IL1RAP: variants seen among roughly 807,000 people sequenced by gnomAD.
The protein encoded by IL1RAP is interleukin-1 receptor accessory protein.
A neutral mutation model predicts 60.7 loss-of-function variants in IL1RAP; 35 were observed. The observed-to-expected ratio is 0.58, with a 90% CI of 0.44 to 0.76. The LOEUF (loss-of-function observed/expected upper bound fraction) is 0.76. IL1RAP is among the 30% of genes least tolerant of loss of function. The pLI, the probability that IL1RAP is intolerant of heterozygous loss-of-function variation, is 0.00. For synonymous variants in IL1RAP, 268 were observed against 250.9 expected (o/e 1.07, Z -0.64); for missense variants, 572 against 693.9 (o/e 0.82, Z 1.97).
chr3:190,649,815 GAAGTCACTGTCAATGA>G lies in IL1RAP; in HGVS notation c.*1115_*1130del, dbSNP rs1560246837. The G allele has an allele frequency of 1.0e-6, 1 of 985,168 alleles. No homozygotes were observed. The highest frequency in any genetic ancestry group is 1.2e-6 in the Non-Finnish European group (1 of 829,814). The allele number at this position is 985,168 out of a possible 1,614,324, so 61.0% of individuals were successfully genotyped here. The stretch of plus-strand genomic sequence containing the variant: ...ACTTGCTCCAAATAAGTCAGTATGA[GAAGTCACTGTCAATGA>G]AAGTTGTTTTGTTTGTTTTCAGTAA... On this transcript the variant is annotated 3_prime_UTR_variant, in exon 12 of 12. Transcript: ENST00000447382.
chr3:190,610,465 T>C (rs1361316920), intron 5 of IL1RAP, among the ~76,000 whole-genome samples: 2 of 151,076 alleles, frequency 1.3e-5, no homozygotes, highest in Admixed American at 6.6e-5. Context: ...AAAAACACAA[T>C]AGATAATACC....
chr3:190,583,291 T>C (rs902800715), intron 3 of IL1RAP, among the ~76,000 whole-genome samples: 8 of 152,230 alleles, frequency 5.3e-5, no homozygotes, highest in African/African-American at 1.9e-4. Flanking sequence ...AGGTGCTCAG[T>C]AAATACTCAG....
intron 1 of IL1RAP, among the ~76,000 whole-genome samples, chr3:190,530,729 A>G (rs895006871): frequency 3.9e-5 from 6 of 152,224 alleles, no homozygotes; most frequent in Non-Finnish European, 7.3e-5. Context: ...AGATCCTATA[A>G]AAACAAATAC....
intron 5 of IL1RAP, among the ~76,000 whole-genome samples, chr3:190,616,816 G>A (rs1473334561): frequency 6.6e-6 from 1 of 152,072 alleles, no homozygotes. Flanking sequence ...CTTTGATCAG[G>A]CAACACTAAC....
intron 3 of IL1RAP, among the ~76,000 whole-genome samples, chr3:190,575,734 C>A (rs1194320237): frequency 3.3e-5 from 5 of 152,206 alleles, no homozygotes; most frequent in Non-Finnish European, 1.5e-5. Context: ...AGGACTGTTA[C>A]ATTATCCAGC....
At chr3:190,642,762 AAAAGGGCAGAGAC>A (rs1333124870) in intron 9 of IL1RAP, among the ~76,000 whole-genome samples, 2 of 152,188 alleles carry the variant, frequency 1.3e-5, no homozygotes, top group Non-Finnish European at 2.9e-5. Context: ...TATTAGCCAC[AAAAGGGCAGAGAC>A]CCTTTCCGTC....
chr3:190,625,539 A>G (rs1732181334), intron 7 of IL1RAP, among the ~76,000 whole-genome samples: 1 of 152,202 alleles, frequency 6.6e-6, no homozygotes, highest in Non-Finnish European at 1.5e-5. Flanking sequence ...CTATTTTGAG[A>G]ATTTTAAATA....
chr3:190,624,049 C>T (rs777116110), intron 7 of IL1RAP, among the ~76,000 whole-genome samples: 17 of 152,196 alleles, frequency 1.1e-4, no homozygotes, highest in Non-Finnish European at 2.4e-4. Flanking sequence ...ACTTACAATA[C>T]ATCCAGTCCA....
At chr3:190,583,804 A>T (rs751158684) in intron 3 of IL1RAP, among the ~76,000 whole-genome samples, 5 of 152,232 alleles carry the variant, frequency 3.3e-5, no homozygotes, top group Non-Finnish European at 7.3e-5. Context: ...AGCTATGATT[A>T]AATAATTGCC....
At chr3:190,578,581 C>T (rs1236301885) in intron 3 of IL1RAP, among the ~76,000 whole-genome samples, 1 of 152,168 alleles carries the variant, frequency 6.6e-6, no homozygotes, top group Non-Finnish European at 1.5e-5. Flanking sequence ...GCATTAGCTA[C>T]CCAAATACTT....
downstream of IL1RAP, among the ~76,000 whole-genome samples, chr3:190,652,719 T>C (rs1446747420): frequency 6.6e-6 from 1 of 152,210 alleles, no homozygotes; most frequent in African/African-American, 2.4e-5. Context: ...CAGAGGTATA[T>C]AAGCATTTAT....
intron 3 of IL1RAP, among the ~76,000 whole-genome samples, chr3:190,569,704 T>A (rs546051705): frequency 2.6e-5 from 4 of 152,316 alleles, no homozygotes; most frequent in Non-Finnish European, 4.4e-5. Context: ...TACCACATAA[T>A]TGGCTTGATA....
At chr3:190,612,177 T>C (rs1228521184) in intron 5 of IL1RAP, among the ~76,000 whole-genome samples, 1 of 152,142 alleles carries the variant, frequency 6.6e-6, no homozygotes, top group African/African-American at 2.4e-5. Context: ...ATAGTCTCAA[T>C]TAATACTTGT....
rs1353445366 is a variant in IL1RAP, at chr3:190,573,089, T to C, written c.64+8736T>C. On this transcript the variant is annotated intron_variant, in intron 3 of 11. Transcript: ENST00000447382. ...CGTTTTAGCCGGGATGGTCTCGATC[T>C]CCTGACCTCGTGATCCGCCCGCCTC... Among the ~76,000 whole-genome samples, 2 of 52,204 alleles carry C rather than the reference T, an allele frequency of 3.8e-5. 1 individual carries two copies. Among genetic ancestry groups the C allele is most frequent in the Non-Finnish European group, 9.2e-5 (2 of 21,626 alleles). 34.2% of individuals were successfully genotyped at this position (52,204 alleles called of 152,430 possible). A position where few individuals can be genotyped will look rare whatever the true frequency, so the allele number is the denominator to read the frequency against.
In IL1RAP at chr3:190,645,742, G is replaced by A. The variant is rs762983738; in HGVS notation, c.1245G>A (p.Ala415=). The stretch of plus-strand genomic sequence containing the variant: ...TTTATGTATCCTATGCAAGGAATGC[G>A]GAAGAAGAAGAATTTGTATTACTGA... ...YDIYVSYARN[A]EEEEFVLLTL... Residue 415 remains alanine, a synonymous_variant, in exon 11 of 12, where the codon GCG becomes GCA. Transcript: ENST00000447382. 9.9e-6 allele frequency: 16 copies of A among 1,612,286 alleles called. No homozygotes were observed. The highest frequency in any genetic ancestry group is 3.3e-5 in the South Asian group (3 of 91,062).
chr3:190,601,076 C>G (rs1292982501), intron 3 of IL1RAP, among the ~76,000 whole-genome samples: 1 of 152,194 alleles, frequency 6.6e-6, no homozygotes, highest in Non-Finnish European at 1.5e-5. Context: ...CCTCTGCCTC[C>G]CGGGTTCAAG....
At chr3:190,613,722 A>C (rs1360372072) in intron 5 of IL1RAP, among the ~76,000 whole-genome samples, 1 of 151,790 alleles carries the variant, frequency 6.6e-6, no homozygotes, top group African/African-American at 2.4e-5. Flanking sequence ...AGTCCCAGCT[A>C]CTCCGGAGGC....
chr3:190,626,299 A>G (rs146188337), intron 7 of IL1RAP, among the ~76,000 whole-genome samples: 1 of 152,364 alleles, frequency 6.6e-6, no homozygotes, highest in African/African-American at 2.4e-5. Context: ...AAATAAGACC[A>G]TTAATAAATA....
chr3:190,531,607 T>A lies in IL1RAP; in HGVS notation c.-89+17388T>A, dbSNP rs1346455878. Among the ~76,000 whole-genome samples, 6 of 152,334 alleles carry A rather than the reference T, an allele frequency of 3.9e-5. No individual in the cohort carries two copies. The East Asian group carries it at 1.2e-3, about 29-fold the overall frequency. Reference sequence around the variant, plus strand: ...CCAACCATATCTCTTGGCTTCCTACTTGTCAAGACACAGCTGAACTTACTC... The same window carrying A: ...CCAACCATATCTCTTGGCTTCCTACATGTCAAGACACAGCTGAACTTACTC... On this transcript the variant is annotated intron_variant, in intron 1 of 11. Transcript: ENST00000447382.
Sources: allele counts gnomAD v4.1 joint callset (sites outside exome capture counted in the v4.1 genomes callset), GRCh38; gene constraint gnomAD v4.1.1; transcripts MANE v1.5; gene names NCBI Gene and HGNC (gene_info 2026-07-23, HGNC 2026-07-21).